The following SKIDA1 variants were observed in gnomAD, a reference collection of about 807,000 sequenced individuals.
SKIDA1 encodes SKI/DACH domain containing 1.
SKIDA1 carries 18 observed loss-of-function variants against 51.4 expected under a neutral mutation model. The observed-to-expected ratio is 0.35, with a 90% CI of 0.24 to 0.52. The LOEUF is 0.52. Ranked by LOEUF, SKIDA1 falls within the 20% of genes least tolerant of loss-of-function variation. The pLI, the probability that SKIDA1 is intolerant of heterozygous loss-of-function variation, is 0.95. For missense variants in SKIDA1, 1,104 were observed against 1,180.6 expected, an observed-to-expected ratio of 0.94 and a Z score of 0.95; for synonymous variants, 579 against 500.5, an observed-to-expected ratio of 1.16 and a Z score of -2.09.
rs765156285 is a variant in SKIDA1 at position 21,517,043 on chromosome 10, G to T, written c.780C>A (p.Gly260=). The T allele has an allele frequency of 1.3e-5, 14 of 1,071,074 alleles. No homozygotes were observed. Among genetic ancestry groups the T allele is most frequent in the Non-Finnish European group, 1.5e-5 (13 of 888,346 alleles). The allele number at this position is 1,071,074 out of a possible 1,614,324, so 66.3% of individuals were successfully genotyped here. A position where few individuals can be genotyped will look rare whatever the true frequency, so the allele number is the denominator to read the frequency against. The change falls in exon 4 of 4, where the codon GGC becomes GGA. Residue 260 remains glycine, a synonymous_variant. Transcript: ENST00000449193. The surrounding 1 kb of genome is among the most constrained non-coding windows in gnomAD (Gnocchi z 6.9). ...AAGPQPKAAA[G]AGGPGSLSYR... ...AGCTCAGGCTCCCCGGGCCTCCGGCGCCCGCCGCTGCCTTGGGCTGGGGCC... is the reference window on the plus strand; with the variant it reads ...AGCTCAGGCTCCCCGGGCCTCCGGCTCCCGCCGCTGCCTTGGGCTGGGGCC...
rs2131271672 is a variant in SKIDA1, at chr10:21,516,733, G to A, written c.1090C>T (p.His364Tyr). Residue 364 changes from histidine (H) to tyrosine (Y), a missense_variant, in exon 4 of 4, where the codon CAC (histidine) becomes TAC (tyrosine). Coordinates refer to ENST00000449193, the MANE Select transcript of SKIDA1 (RefSeq NM_207371.4). The surrounding 1 kb of genome is among the most constrained non-coding windows in gnomAD (Gnocchi z 5.7). ...QPPQQSHHPPHHHRPQPHLGS... is the reference protein window; with the variant it reads ...QPPQQSHHPPYHHRPQPHLGS... ...AGATGGGGCTGCGGCCGGTGGTGGT[G>A]AGGGGGGTGGTGACTCTGCTGCGGC... 2 of 1,550,210 alleles carry A rather than the reference G, an allele frequency of 1.3e-6. No individual in the cohort carries two copies. Among genetic ancestry groups the A allele is most frequent in the Non-Finnish European group, 1.7e-6 (2 of 1,146,632 alleles).
At position 21,517,348 on chromosome 10, in the gene SKIDA1, C is replaced by CG; in HGVS notation, c.474_475insC (p.Gly159ArgfsTer16). ...GCGGCGGGGCGCGCGGCGGCGGCGC[C>CG]CGGGCGCTGGGACTGCGCGCTGATT... is the stretch of plus-strand genomic sequence containing the variant. On this transcript the variant is annotated frameshift_variant, in exon 4 of 4. Transcript: ENST00000449193. LOFTEE classifies it high-confidence loss of function. The surrounding 1 kb of genome is among the most constrained non-coding windows in gnomAD (Gnocchi z 6.9). 2.1e-6 allele frequency: 3 copies of CG among 1,417,632 alleles called. No homozygotes were observed. The highest frequency in any genetic ancestry group is 4.2e-4 in the Middle Eastern group (2 of 4,720). 87.8% of individuals were successfully genotyped at this position (1,417,632 alleles called of 1,614,324 possible).
In SKIDA1 at chr10:21,517,419, T is replaced by G; in HGVS notation, c.404A>C (p.Lys135Thr). The G allele has an allele frequency of 6.7e-7, 1 of 1,484,848 alleles. No homozygotes were observed. Among genetic ancestry groups the G allele is most frequent in the Non-Finnish European group, 8.9e-7 (1 of 1,123,628 alleles). 92.0% of individuals were successfully genotyped at this position (1,484,848 alleles called of 1,614,324 possible). A position where few individuals can be genotyped will look rare whatever the true frequency, so the allele number is the denominator to read the frequency against. ...ASPRPGFWKD[K>T]HQLWRGLSGA... Reference sequence around the variant, plus strand: ...GCTCAGGCCCCGCCAAAGTTGGTGCTTGTCCTTCCAAAATCCCGGGCGGGG... The same window carrying G: ...GCTCAGGCCCCGCCAAAGTTGGTGCGTGTCCTTCCAAAATCCCGGGCGGGG... Residue 135 changes from lysine to threonine, a missense_variant, in exon 4 of 4, where the codon AAG becomes ACG. By Grantham distance (78) the Lys-to-Thr change is moderately conservative. This residue lies in a region of SKIDA1 where 938 missense variants were observed against 886.4 expected (regional missense o/e 1.06). Coordinates refer to ENST00000449193, the MANE Select transcript of SKIDA1 (RefSeq NM_207371.4). This position sits in a 1 kb window ranked among gnomAD's most constrained non-coding sequence, Gnocchi z 6.9.
rs2032180040 is a variant in SKIDA1 at position 21,515,765 on chromosome 10, T to C, written c.2058A>G (p.Lys686=). The part of the protein sequence containing the change: ...DKTLPFLHNI[K]IKVEDSSANE... Reference sequence around the variant, plus strand: ...TAGCACTACTGTCTTCTACTTTGATTTTAATATTGTGCAGAAATGGCAATG... The same window carrying C: ...TAGCACTACTGTCTTCTACTTTGATCTTAATATTGTGCAGAAATGGCAATG... Residue 686 remains lysine (K), a synonymous_variant, in exon 4 of 4, where the codon AAA becomes AAG. Transcript: ENST00000449193. The C allele has an allele frequency of 6.2e-7, 1 of 1,614,054 alleles. No homozygotes were observed. Among genetic ancestry groups the C allele is most frequent in the Middle Eastern group, 1.6e-4 (1 of 6,062 alleles).
Position 21,515,796 on chromosome 10 carries a change from TCGC to T in SKIDA1, c.2024_2026del (p.Gly675del). 6.2e-7 allele frequency: 1 copy of T among 1,614,068 alleles called. No individual in the cohort carries two copies. The highest frequency in any genetic ancestry group is 8.5e-7 in the Non-Finnish European group (1 of 1,179,898). On this transcript the variant is annotated inframe_deletion, in exon 4 of 4. Coordinates refer to ENST00000449193, the MANE Select transcript of SKIDA1 (RefSeq NM_207371.4). ...ATTGTGCAGAAATGGCAATGTCTTG[TCGC>T]CTGTGTCAGTGCAGGGATTCTCGGC... is the stretch of plus-strand genomic sequence containing the variant.
intron 2 of SKIDA1, among the ~76,000 whole-genome samples, chr10:21,521,883 A>G (rs2032405525): frequency 6.6e-6 from 1 of 152,254 alleles, no homozygotes. Context: ...GTGAAGGGCC[A>G]TGAAAATATG....
At position 21,516,209 on chromosome 10, in the gene SKIDA1, C is replaced by A. The variant is rs542188755; in HGVS notation, c.1614G>T (p.Leu538=). The A allele has an allele frequency of 1.7e-5, 28 of 1,614,066 alleles. 1 individual carries two copies. In the Admixed American group the frequency reaches 4.3e-4, roughly 25 times the overall value. Residue 538 remains leucine (L), a synonymous_variant, in exon 4 of 4, where the codon CTG becomes CTT. Coordinates refer to ENST00000449193, the MANE Select transcript of SKIDA1 (RefSeq NM_207371.4). The surrounding 1 kb of genome is among the most constrained non-coding windows in gnomAD (Gnocchi z 5.7). ...TCCTTATCTCAGCGAAACAACTCCC[C>A]AGGCTGGCCGGGCAGTACACCGGAG... The part of the protein sequence containing the change: ...KASPVYCPAS[L]GSCFAEIRND...
Position 21,516,905 on chromosome 10 carries a change from C to T in SKIDA1, c.918G>A (p.Ala306=), listed in dbSNP as rs1462825798. ...CCGCCGCCGCTGCCGCCGCCGCCGC[C>T]GCCGCCGCCGCCTTGGCTTTGTAGG... ...PRSYKAKAAA[A]AAAAAAAAAA... Residue 306 remains alanine, a synonymous_variant, in exon 4 of 4, where the codon GCG becomes GCA. Coordinates refer to ENST00000449193, the MANE Select transcript of SKIDA1 (RefSeq NM_207371.4). This position sits in a 1 kb window ranked among gnomAD's most constrained non-coding sequence, Gnocchi z 5.7. 6 of 1,124,726 alleles carry T rather than the reference C, an allele frequency of 5.3e-6. No individual in the cohort carries two copies. Among genetic ancestry groups the T allele is most frequent in the East Asian group, 4.9e-5 (1 of 20,202 alleles). The allele number at this position is 1,124,726 out of a possible 1,614,324, so 69.7% of individuals were successfully genotyped here.
intron 2 of SKIDA1, among the ~76,000 whole-genome samples, chr10:21,523,445 T>C (rs990673076): frequency 6.6e-6 from 1 of 152,084 alleles, no homozygotes; most frequent in South Asian, 2.1e-4. Context: ...CAACCGCCTT[T>C]CCCCCCAATT....
Position 21,515,703 on chromosome 10 carries a change from A to G in SKIDA1, c.2120T>C (p.Leu707Pro), listed in dbSNP as rs761479082. ...CTTTGTATCATTGCACTCGCACTTTAGCTTATTTGTAAAAAGGTGAGGTTC... is the reference window on the plus strand; with the variant it reads ...CTTTGTATCATTGCACTCGCACTTTGGCTTATTTGTAAAAAGGTGAGGTTC... ...EYEPHLFTNK[L>P]KCECNDTKGE... The change falls in exon 4 of 4, where the codon CTA (leucine) becomes CCA (proline). Residue 707 changes from leucine (L) to proline (P), a missense_variant. By Grantham distance (98) the Leu-to-Pro change is moderately conservative. Coordinates refer to ENST00000449193, the MANE Select transcript of SKIDA1 (RefSeq NM_207371.4). 1 of 1,614,030 alleles carries G rather than the reference A, an allele frequency of 6.2e-7. No homozygotes were observed. The highest frequency in any genetic ancestry group is 2.2e-5 in the East Asian group (1 of 44,888).
Position 21,515,988 on chromosome 10 carries a change from T to C in SKIDA1, c.1835A>G (p.Asp612Gly). ...LQTTPTTHCA[D>G]NNTIAARFLN... is the part of the protein sequence containing the mutation. ...GAACCTAGCAGCTATTGTGTTGTTA[T>C]CTGCACAGTGTGTAGTAGGAGTTGT... The change falls in exon 4 of 4, where the codon GAT becomes GGT. Residue 612 changes from aspartate (D) to glycine (G), a missense_variant. Asp to Gly is a moderately conservative substitution (Grantham distance 94). Transcript: ENST00000449193. The C allele has an allele frequency of 6.2e-7, 1 of 1,614,060 alleles. No homozygotes were observed. The highest frequency in any genetic ancestry group is 8.5e-7 in the Non-Finnish European group (1 of 1,179,892).
intron 2 of SKIDA1, among the ~76,000 whole-genome samples, chr10:21,522,269 C>CCCCCCA: frequency 1.0e-4 from 1 of 9,718 alleles, no homozygotes; most frequent in Non-Finnish European, 2.8e-4. Context: ...CACAGCCACC[C>CCCCCCA]CCCCCCCCCC....
chr10:21,517,735 A>C lies in SKIDA1; in HGVS notation c.88T>G (p.Ser30Ala), dbSNP rs2032286459. The C allele has an allele frequency of 1.9e-6, 3 of 1,613,948 alleles. No individual in the cohort carries two copies. Among genetic ancestry groups the C allele is most frequent in the Non-Finnish European group, 1.7e-6 (2 of 1,179,872 alleles). The change falls in exon 4 of 4, where the codon TCC (serine) becomes GCC (alanine). Residue 30 changes from serine (S) to alanine (A), a missense_variant. Ser to Ala is a moderately conservative substitution (Grantham distance 99). Coordinates refer to ENST00000449193, the MANE Select transcript of SKIDA1 (RefSeq NM_207371.4). This position sits in a 1 kb window ranked among gnomAD's most constrained non-coding sequence, Gnocchi z 6.9. ...IIKGKQMFAL[S>A]QVFTDLLKNI... ...TTCAGCAGATCTGTGAAGACTTGGGAGAGGGCAAACATTTGCTTCCCTTTA... is the reference window on the plus strand; with the variant it reads ...TTCAGCAGATCTGTGAAGACTTGGGCGAGGGCAAACATTTGCTTCCCTTTA...
rs1227495590 is a variant in SKIDA1 at position 21,517,414 on chromosome 10, G to C, written c.409C>G (p.Gln137Glu). 1 of 1,472,094 alleles carries C rather than the reference G, an allele frequency of 6.8e-7. No homozygotes were observed. The highest frequency in any genetic ancestry group is 8.9e-7 in the Non-Finnish European group (1 of 1,118,766). 91.2% of individuals were successfully genotyped at this position (1,472,094 alleles called of 1,614,324 possible). A position where few individuals can be genotyped will look rare whatever the true frequency, so the allele number is the denominator to read the frequency against. The part of the protein sequence containing the change: ...PRPGFWKDKH[Q>E]LWRGLSGAAR... ...GCTCCGCTCAGGCCCCGCCAAAGTTGGTGCTTGTCCTTCCAAAATCCCGGG... is the reference window on the plus strand; with the variant it reads ...GCTCCGCTCAGGCCCCGCCAAAGTTCGTGCTTGTCCTTCCAAAATCCCGGG... Residue 137 changes from glutamine to glutamate, a missense_variant, in exon 4 of 4, where the codon CAA (glutamine) becomes GAA (glutamate). Coordinates refer to ENST00000449193, the MANE Select transcript of SKIDA1 (RefSeq NM_207371.4). This position sits in a 1 kb window ranked among gnomAD's most constrained non-coding sequence, Gnocchi z 6.9.
chr10:21,517,294 G>C lies in SKIDA1; in HGVS notation c.529C>G (p.Pro177Ala), dbSNP rs374992267. 7.5e-6 allele frequency: 11 copies of C among 1,467,020 alleles called. No homozygotes were observed. Among genetic ancestry groups the C allele is most frequent in the East Asian group, 6.1e-5 (2 of 32,748 alleles). The allele number at this position is 1,467,020 out of a possible 1,614,324, so 90.9% of individuals were successfully genotyped here. A position where few individuals can be genotyped will look rare whatever the true frequency, so the allele number is the denominator to read the frequency against. The stretch of plus-strand genomic sequence containing the variant: ...ACGATCTCCGGGTAGTGCGAGCCGG[G>C]GTATTTGCTAAAAATCTGAGGTAGA... ...AHLPQIFSKYPGSHYPEIVRS... is the reference protein window; with the variant it reads ...AHLPQIFSKYAGSHYPEIVRS... Residue 177 changes from proline (P) to alanine (A), a missense_variant, in exon 4 of 4, where the codon CCC (proline) becomes GCC (alanine). Physicochemically the swap from Pro to Ala is conservative, Grantham distance 27 (BLOSUM62 -1). Around this residue, in one of 3 missense-constraint regions of SKIDA1, gnomAD observed 938 missense variants for 886.4 expected, o/e 1.06. Transcript: ENST00000449193. The surrounding 1 kb of genome is among the most constrained non-coding windows in gnomAD (Gnocchi z 6.9).
rs1321808249 is a variant in SKIDA1, at chr10:21,517,509, C to T, written c.314G>A (p.Arg105His). Residue 105 changes from arginine (R) to histidine (H), a missense_variant, in exon 4 of 4, where the codon CGC becomes CAC. Arg to His is a conservative substitution (Grantham distance 29). Transcript: ENST00000449193. The surrounding 1 kb of genome is among the most constrained non-coding windows in gnomAD (Gnocchi z 6.9). ...CKTERVLKTKRRRVGRALATK... is the reference protein window; with the variant it reads ...CKTERVLKTKHRRVGRALATK... ...GGCCAGGGCCCGGCCGACCCGCCTG[C>T]GCTTGGTCTTGAGGACGCGCTCGGT... The T allele has an allele frequency of 2.6e-6, 4 of 1,563,672 alleles. No homozygotes were observed. The highest frequency in any genetic ancestry group is 2.7e-5 in the African/African-American group (2 of 73,746).
At position 21,514,429 on chromosome 10, in the gene SKIDA1, C is replaced by T. The variant is rs1205444838; in HGVS notation, c.*667G>A. The T allele has an allele frequency of 6.6e-6, 1 of 150,560 alleles. No individual in the cohort carries two copies. The highest frequency in any genetic ancestry group is 2.5e-5 in the African/African-American group (1 of 40,656). The allele number at this position is 150,560 out of a possible 1,614,324, so 9.3% of individuals were successfully genotyped here. A position where few individuals can be genotyped will look rare whatever the true frequency, so the allele number is the denominator to read the frequency against. On this transcript the variant is annotated 3_prime_UTR_variant, in exon 4 of 4. Transcript: ENST00000449193. ...AAAATACAATTCCGTATTTATTTTA[C>T]TCAGTATGTATGAGGCAGCTTTTAC... is the stretch of plus-strand genomic sequence containing the variant.
chr10:21,525,196 T>C (rs921216456), intron 1 of SKIDA1, among the ~76,000 whole-genome samples: 1 of 152,184 alleles, frequency 6.6e-6, no homozygotes, highest in Non-Finnish European at 1.5e-5. Flanking sequence ...ATGTACTATT[T>C]AGGTCGAAAA....
At position 21,516,970 on chromosome 10, in the gene SKIDA1, G is replaced by A. The variant is rs1274188396; in HGVS notation, c.853C>T (p.Pro285Ser). The change falls in exon 4 of 4, where the codon CCT (proline) becomes TCT (serine). Residue 285 changes from proline to serine, a missense_variant. By Grantham distance (74) the Pro-to-Ser change is moderately conservative. This residue lies in a region of SKIDA1 where 938 missense variants were observed against 886.4 expected (regional missense o/e 1.06). Coordinates refer to ENST00000449193, the MANE Select transcript of SKIDA1 (RefSeq NM_207371.4). This position sits in a 1 kb window ranked among gnomAD's most constrained non-coding sequence, Gnocchi z 5.7. ...RGGAKDCLLA[P>S]HAGARRLLLL... ...AGCAGGCGCCGCGCGCCGGCGTGAGGCGCGAGCAGGCAGTCCTTGGCGCCG... is the reference window on the plus strand; with the variant it reads ...AGCAGGCGCCGCGCGCCGGCGTGAGACGCGAGCAGGCAGTCCTTGGCGCCG... The A allele has an allele frequency of 6.0e-5, 69 of 1,158,930 alleles. No homozygotes were observed. The highest frequency in any genetic ancestry group is 2.3e-4 in the Admixed American group (6 of 25,926). 71.8% of individuals were successfully genotyped at this position (1,158,930 alleles called of 1,614,324 possible).
Sources: gnomAD v4.1 joint callset for allele counts (sites outside exome capture counted in the v4.1 genomes callset) on GRCh38, gnomAD v4.1.1 for gene constraint, gnomAD v4.1.1 regional missense constraint, Gnocchi (gnomAD v3.1) non-coding constraint, MANE v1.5 for transcripts, NCBI Gene and HGNC (gene_info 2026-07-23, HGNC 2026-07-21) for gene names.